The following CDH13 variants were observed in gnomAD, a reference collection of about 807,000 sequenced individuals.
CDH13 encodes cadherin-13.
In CDH13, 24 loss-of-function variants were observed where a neutral mutation model predicts 63.8. The ratio of observed to expected loss-of-function variants is 0.38; its 90% CI spans 0.27 to 0.53. The LOEUF (loss-of-function observed/expected upper bound fraction) is 0.53, where lower values mean the gene tolerates loss of function less well. Among genes scored for constraint, CDH13 ranks in the 20% least tolerant of loss-of-function variants. The pLI is 0.85. For synonymous variants in CDH13, 503 were observed against 355.3 expected (o/e 1.42, Z -4.67); for missense variants, 1,049 against 903.1 (o/e 1.16, Z -2.07).
intron 1 of CDH13, among the ~76,000 whole-genome samples, chr16:82,786,053 C>A (rs531350775): frequency 2.6e-5 from 4 of 152,222 alleles, no homozygotes; most frequent in African/African-American, 9.6e-5. Flanking sequence ...TGGCAGGAGT[C>A]AAGGCAGAGC....
At chr16:82,982,741 C>T (rs150760860) in intron 2 of CDH13, among the ~76,000 whole-genome samples, 28 of 152,326 alleles carry the variant, frequency 1.8e-4, no homozygotes, top group African/African-American at 6.5e-4. Flanking sequence ...CAAGTAAACG[C>T]ATCACAATCC....
At chr16:83,084,245 G>T (rs1468621138) in intron 3 of CDH13, among the ~76,000 whole-genome samples, 2 of 152,198 alleles carry the variant, frequency 1.3e-5, no homozygotes, top group African/African-American at 4.8e-5. Flanking sequence ...TGACTGTGGC[G>T]AATTTAGCAA....
chr16:82,826,473 A>T (rs2038259362), intron 1 of CDH13: 1 of 152,198 alleles, frequency 6.6e-6, no homozygotes, highest in Admixed American at 6.5e-5. Context: ...TGGTAATTTT[A>T]AATCGTGCAG....
At chr16:83,783,174 T>C in intron 12 of CDH13, 80 bp from the exon 13 acceptor site, 1 of 910,272 alleles carries the variant, frequency 1.1e-6, no homozygotes, top group Non-Finnish European at 1.8e-6. Flanking sequence ...CTGTTTGGTG[T>C]GACTTTCATC....
At chr16:83,721,794 C>G (rs958302190) in intron 10 of CDH13, 4 of 152,372 alleles carry the variant, frequency 2.6e-5, no homozygotes, top group Admixed American at 6.5e-5. Context: ...GCTAGCAGGA[C>G]TAGCAGGACA....
chr16:83,271,622 G>T (rs765734973), intron 5 of CDH13, among the ~76,000 whole-genome samples: 4 of 151,508 alleles, frequency 2.6e-5, no homozygotes, highest in African/African-American at 9.7e-5. Flanking sequence ...TACAACCGCT[G>T]GTTTCTCAAT....
In CDH13 at chr16:82,842,127, TATATATATATACAC is replaced by T. The variant is rs1231251726; in HGVS notation, c.46-16223_46-16210del. Among the ~76,000 whole-genome samples the T allele has an allele frequency of 1.7e-3, 84 of 48,410 alleles. 1 individual carries two copies. Among genetic ancestry groups the T allele is most frequent in the Non-Finnish European group, 2.8e-3 (57 of 20,656 alleles). 31.8% of individuals were successfully genotyped at this position (48,410 alleles called of 152,430 possible). A position where few individuals can be genotyped will look rare whatever the true frequency, so the allele number is the denominator to read the frequency against. Reference sequence around the variant, plus strand: ...ATATATATATGTATATATATATATATATATATATATACACATATATATATATATATATATATACA... The same window carrying T: ...ATATATATATGTATATATATATATATATATATATATATATATATATATACA... On this transcript the variant is annotated intron_variant, in intron 1 of 13. Transcript: ENST00000567109.
intron 10 of CDH13, among the ~76,000 whole-genome samples, chr16:83,726,707 G>A (rs1910435418): frequency 1.3e-5 from 2 of 152,110 alleles, no homozygotes; most frequent in South Asian, 2.1e-4. Context: ...GCGTGGAGGC[G>A]GGCCCCTGTA....
intron 6 of CDH13, among the ~76,000 whole-genome samples, chr16:83,379,909 A>ATATG (rs372293088): frequency 9.7e-5 from 12 of 123,906 alleles, no homozygotes; most frequent in South Asian, 5.4e-4. Flanking sequence ...TGTATTATAT[A>ATATG]TGTGTGTGTG....
intron 6 of CDH13, among the ~76,000 whole-genome samples, chr16:83,446,043 A>T (rs2072677924): frequency 6.6e-6 from 1 of 152,306 alleles, no homozygotes; most frequent in Non-Finnish European, 1.5e-5. Context: ...TCAGGTCTGT[A>T]ATCCCAGCAC....
At chr16:83,022,687 G>A (rs1000257043) in intron 2 of CDH13, among the ~76,000 whole-genome samples, 1 of 152,138 alleles carries the variant, frequency 6.6e-6, no homozygotes, top group Admixed American at 6.5e-5. Context: ...CTGTAATTCT[G>A]ATTCATATGC....
intron 8 of CDH13, among the ~76,000 whole-genome samples, chr16:83,660,367 A>C (rs1053140198): frequency 2.0e-5 from 3 of 152,184 alleles, no homozygotes; most frequent in Non-Finnish European, 4.4e-5. Context: ...CTCATGAGGA[A>C]TACACAACCT....
At chr16:82,795,742 G>A (rs939352202) in intron 1 of CDH13, among the ~76,000 whole-genome samples, 3 of 151,962 alleles carry the variant, frequency 2.0e-5, no homozygotes, top group Admixed American at 2.0e-4. Context: ...AGCTCTGGAC[G>A]TCCACCAGGA....
At chr16:83,096,748 T>G (rs967522512) in intron 3 of CDH13, among the ~76,000 whole-genome samples, 8 of 152,200 alleles carry the variant, frequency 5.3e-5, no homozygotes, top group African/African-American at 1.9e-4. Flanking sequence ...CGTAATTATG[T>G]GCAATATTTT....
intron 7 of CDH13, among the ~76,000 whole-genome samples, chr16:83,510,931 G>T (rs2074541797): frequency 6.6e-6 from 1 of 152,238 alleles, no homozygotes; most frequent in South Asian, 2.1e-4. Context: ...GAAAACTTTA[G>T]ACTGAGAGAA....
intron 2 of CDH13, among the ~76,000 whole-genome samples, chr16:82,968,319 A>G (rs1198678776): frequency 6.6e-6 from 1 of 152,174 alleles, no homozygotes; most frequent in Non-Finnish European, 1.5e-5. Flanking sequence ...CATGTCCTGA[A>G]TCCTTTATCT....
intron 1 of CDH13, among the ~76,000 whole-genome samples, chr16:82,839,260 T>C (rs765778615): frequency 3.3e-5 from 5 of 152,142 alleles, no homozygotes; most frequent in Non-Finnish European, 1.5e-5. Context: ...GTCTGGAAAT[T>C]GTTTCCTCCC....
intron 6 of CDH13, among the ~76,000 whole-genome samples, chr16:83,411,010 G>C (rs1862829): frequency 1 from 151,681 of 152,340 alleles, 75,519 homozygotes; most frequent in Non-Finnish European, 1. Flanking sequence ...GTCCGTGCGT[G>C]CTTTTTCTCT....
At position 83,248,371 on chromosome 16, in the gene CDH13, A is replaced by G. The variant is rs117942982; in HGVS notation, c.636+30874A>G. On this transcript the variant is annotated intron_variant, in intron 5 of 13. Coordinates refer to ENST00000567109, the MANE Select transcript of CDH13 (RefSeq NM_001257.5). ...TCTGTTGTTGTTTGCTACTTTTCCT[A>G]TGCTCTTGGGAGCTTATCAGAAACT... 3.2e-3 allele frequency among the ~76,000 whole-genome samples: 490 copies of G among 152,204 alleles called. 6 individuals are homozygous for G. The highest frequency in any genetic ancestry group is 0.024 in the East Asian group (122 of 5,152).
Sources: gnomAD v4.1 joint callset for allele counts (sites outside exome capture counted in the v4.1 genomes callset) on GRCh38, gnomAD v4.1.1 for gene constraint, MANE v1.5 for transcripts, NCBI Gene and HGNC (gene_info 2026-07-23, HGNC 2026-07-21) for gene names.